ANKLE2: variants seen among roughly 807,000 people sequenced by gnomAD.
ANKLE2 encodes the protein ankyrin repeat and LEM domain containing 2.
In ANKLE2, 55 loss-of-function variants were observed where a neutral mutation model predicts 84.2. That is an observed-to-expected ratio of 0.65 (90% CI 0.53 to 0.82). The LOEUF (loss-of-function observed/expected upper bound fraction) is 0.82. Among genes scored for constraint, ANKLE2 ranks in the 40% least tolerant of loss-of-function variants. The probability of loss-of-function intolerance (pLI) is 0.00; values close to 1 mark genes in which losing one functional copy is unlikely to be tolerated. For synonymous variants in ANKLE2, 551 were observed against 486.1 expected, an observed-to-expected ratio of 1.13 and a Z score of -1.76; for missense variants, 1,238 against 1,201.9, an observed-to-expected ratio of 1.03 and a Z score of -0.44.
chr12:132,752,020 C>T (rs1355185452), intron 2 of ANKLE2, among the ~76,000 whole-genome samples: 5 of 152,056 alleles, frequency 3.3e-5, no homozygotes. Context: ...ATGTAACAGA[C>T]GAATGGTTAC....
intron 6 of ANKLE2, among the ~76,000 whole-genome samples, chr12:132,742,725 A>ATAATCATTT (rs1566024169): frequency 2.1e-3 from 1 of 466 alleles, no homozygotes; most frequent in African/African-American, 8.3e-3. Context: ...CATCACCACC[A>ATAATCATTT]CTGCCAACAC....
At chr12:132,750,555 A>G (rs2044332644) in intron 3 of ANKLE2, 88 bp downstream of exon 3, 2 of 1,439,680 alleles carry the variant, frequency 1.4e-6, no homozygotes, top group Non-Finnish European at 1.9e-6. Flanking sequence ...TGGAGAAAAC[A>G]AGTTACCACA....
In ANKLE2 at chr12:132,730,286, G is replaced by C. The variant is rs552436277; in HGVS notation, c.1892-16C>G. On this transcript the variant is annotated splice_polypyrimidine_tract_variant and intron_variant, in intron 10 of 12. Coordinates refer to ENST00000357997, the MANE Select transcript of ANKLE2 (RefSeq NM_015114.3). Reference sequence around the variant, plus strand: ...GAATTGCTGCCTGTGAGGACAACAAGGAGCACTTCAGTGATGGGAACGACA... The same window carrying C: ...GAATTGCTGCCTGTGAGGACAACAACGAGCACTTCAGTGATGGGAACGACA... 1.3e-6 allele frequency: 2 copies of C among 1,541,584 alleles called. No individual in the cohort carries two copies. Among genetic ancestry groups the C allele is most frequent in the Admixed American group, 1.9e-5 (1 of 52,172 alleles).
chr12:132,752,916 G>A (rs2044387791), intron 2 of ANKLE2, among the ~76,000 whole-genome samples: 1 of 151,870 alleles, frequency 6.6e-6, no homozygotes, highest in Admixed American at 6.6e-5. Context: ...TCAGCACTTT[G>A]GGAGGCTCAG....
intron 10 of ANKLE2, chr12:132,733,906 G>A (rs1281874538): frequency 2.2e-6 from 1 of 453,992 alleles, no homozygotes; most frequent in African/African-American, 2.0e-5. Context: ...TTTGGATAAT[G>A]CAAACACAAG....
At chr12:132,751,323 A>C (rs1264993275) in intron 2 of ANKLE2, 1 of 153,176 alleles carries the variant, frequency 6.5e-6, no homozygotes, top group Non-Finnish European at 1.4e-5. Context: ...TGGCTCTTGC[A>C]ACCTCTGCCT....
intron 5 of ANKLE2, chr12:132,745,783 GCA>G (rs144544367): frequency 3.8e-4 from 63 of 166,018 alleles, no homozygotes; most frequent in South Asian, 2.0e-3. Context: ...CAGCTGCAGA[GCA>G]CACACACACA....
intron 7 of ANKLE2, among the ~76,000 whole-genome samples, chr12:132,739,794 C>G (rs189043571): frequency 3.0e-4 from 46 of 152,338 alleles, no homozygotes; most frequent in African/African-American, 1.0e-3. Flanking sequence ...ACAACGTGAC[C>G]GAGGCCCCAG....
intron 1 of ANKLE2, chr12:132,759,182 C>T (rs1313241577): frequency 5.8e-5 from 3 of 51,924 alleles, no homozygotes; most frequent in African/African-American, 9.8e-5. Context: ...CACCCCGGGG[C>T]ACCCACGTGG....
chr12:132,737,954 C>G (rs968040900), intron 7 of ANKLE2: 2 of 152,284 alleles, frequency 1.3e-5, no homozygotes, highest in Non-Finnish European at 2.9e-5. Context: ...GGGTCTTGCT[C>G]TGTTGCCCAG....
In ANKLE2 at chr12:132,743,880, G is replaced by A. The variant is rs566959489; in HGVS notation, c.1231-604C>T. Among the ~76,000 whole-genome samples, 3 of 152,268 alleles carry A rather than the reference G, an allele frequency of 2.0e-5. No individual in the cohort carries two copies. In the East Asian group the frequency reaches 5.8e-4, roughly 29 times the overall value. The stretch of plus-strand genomic sequence containing the variant: ...ACAATGTCATGTAAAACATGCCCAG[G>A]AAGTGAAATACACAGATGAGGACCA... On this transcript the variant is annotated intron_variant, in intron 5 of 12. Coordinates refer to ENST00000357997, the MANE Select transcript of ANKLE2 (RefSeq NM_015114.3). The surrounding 1 kb of genome is among the most constrained non-coding windows in gnomAD (Gnocchi z 4.1).
At chr12:132,756,295 A>C (rs1028501388) in intron 1 of ANKLE2, 2 of 151,772 alleles carry the variant, frequency 1.3e-5, no homozygotes, top group African/African-American at 4.8e-5. Flanking sequence ...GCTTGAACCC[A>C]GTAGGTGGAG....
At chr12:132,749,765 A>T (rs1245345682) in intron 3 of ANKLE2, among the ~76,000 whole-genome samples, 8 of 152,206 alleles carry the variant, frequency 5.3e-5, no homozygotes, top group Non-Finnish European at 5.9e-5. Context: ...CTGAGCTGGG[A>T]GGTGGGCATG....
intron 2 of ANKLE2, among the ~76,000 whole-genome samples, chr12:132,753,749 A>G (rs1038573810): frequency 4.6e-5 from 7 of 151,896 alleles, no homozygotes; most frequent in African/African-American, 1.7e-4. Flanking sequence ...TCAAAAAAAC[A>G]AAACAAAACA....
intron 5 of ANKLE2, chr12:132,745,246 G>T: frequency 5.5e-6 from 1 of 181,270 alleles, no homozygotes; most frequent in East Asian, 1.5e-4. Context: ...ACACAGGTGG[G>T]GCTGCCCAGG....
rs761747189 is a variant in ANKLE2 at position 132,750,754 on chromosome 12, C to T, written c.736G>A (p.Ala246Thr). ...CAAATTCCTCTAGCAAATTTCTCAG[C>T]GTCTTCTCTGGTAGAAAAAGCTTTA... ...RFKAFSTRED[A>T]EKFARGICDY... is the part of the protein sequence containing the mutation. The change falls in exon 3 of 13, where the codon GCT becomes ACT. Residue 246 changes from alanine (A) to threonine (T), a missense_variant. Physicochemically the swap from Ala to Thr is moderately conservative, Grantham distance 58. Transcript: ENST00000357997. 9 of 1,614,228 alleles carry T rather than the reference C, an allele frequency of 5.6e-6. No homozygotes were observed. The highest frequency in any genetic ancestry group is 2.2e-5 in the East Asian group (1 of 44,890).
intron 1 of ANKLE2, chr12:132,759,640 T>C (rs1023915731): frequency 1.6e-5 from 2 of 127,672 alleles, no homozygotes; most frequent in African/African-American, 1.1e-4. Context: ...ATTTCAGCCA[T>C]TCTCAAAACA....
intron 2 of ANKLE2, among the ~76,000 whole-genome samples, chr12:132,752,527 A>C (rs1474887819): frequency 6.6e-6 from 1 of 151,630 alleles, no homozygotes; most frequent in Non-Finnish European, 1.5e-5. Flanking sequence ...CCACCACCAC[A>C]CCCCGCTAAT....
intron 2 of ANKLE2, among the ~76,000 whole-genome samples, chr12:132,753,767 A>AC (rs1175051712): frequency 6.6e-6 from 1 of 151,702 alleles, no homozygotes; most frequent in Non-Finnish European, 1.5e-5. Context: ...ACAAAACAAA[A>AC]AAAAACCATA....
Sources: allele counts gnomAD v4.1 joint callset (sites outside exome capture counted in the v4.1 genomes callset), GRCh38; gene constraint gnomAD v4.1.1; non-coding constraint Gnocchi (gnomAD v3.1); transcripts MANE v1.5; gene names NCBI Gene and HGNC (gene_info 2026-07-23, HGNC 2026-07-21).